The following CDC42 variants were observed in gnomAD, a reference collection of about 807,000 sequenced individuals.
CDC42 encodes cell division cycle 42, also known as cell division control protein 42 homolog.
In CDC42, 1 loss-of-function variant was observed where a neutral mutation model predicts 20.8. That is an observed-to-expected ratio of 0.05 (90% confidence interval 0.02 to 0.23). The LOEUF is 0.23. Among genes scored for constraint, CDC42 ranks in the 10% least tolerant of loss-of-function variants. The probability of loss-of-function intolerance (pLI) is 1.00; values close to 1 mark genes in which losing one functional copy is unlikely to be tolerated. For missense variants in CDC42, 49 were observed against 227.9 expected (o/e 0.21, Z 5.05); for synonymous variants, 72 against 84.8 (o/e 0.85, Z 0.83).
rs1382510459 is a variant in CDC42 at position 22,092,446 on chromosome 1, C to G, written c.*929C>G. 6.6e-6 allele frequency: 1 copy of G among 152,460 alleles called. No individual in the cohort carries two copies. Among genetic ancestry groups the G allele is most frequent in the African/African-American group, 2.4e-5 (1 of 41,368 alleles). The allele number at this position is 152,460 out of a possible 1,614,324, so 9.4% of individuals were successfully genotyped here. Reference sequence around the variant, plus strand: ...GTCTTATATGCTTAGCATAGATTTGCAGCTCAGTAGTATATGGTGTTCCTA... The same window carrying G: ...GTCTTATATGCTTAGCATAGATTTGGAGCTCAGTAGTATATGGTGTTCCTA... On this transcript the variant is annotated 3_prime_UTR_variant, in exon 6 of 6. Transcript: ENST00000656825.
intron 1 of CDC42, among the ~76,000 whole-genome samples, chr1:22,071,804 A>G (rs1479526322): frequency 6.6e-6 from 1 of 152,210 alleles, no homozygotes; most frequent in Non-Finnish European, 1.5e-5. Context: ...CGTATTTCAC[A>G]TGAAGGCAAC....
At chr1:22,056,526 A>G (rs1645306433) in intron 1 of CDC42, among the ~76,000 whole-genome samples, 1 of 152,178 alleles carries the variant, frequency 6.6e-6, no homozygotes, top group Non-Finnish European at 1.5e-5. Context: ...ATTCCTGGTC[A>G]TGTTATGCTT....
chr1:22,090,070 TCC>T (rs898990111), intron 5 of CDC42: 2 of 1,608,704 alleles, frequency 1.2e-6, no homozygotes, highest in Non-Finnish European at 1.7e-6. Flanking sequence ...CTGCTTCCTG[TCC>T]CACTACTGTA....
At chr1:22,070,781 A>G (rs1015956609) in intron 1 of CDC42, among the ~76,000 whole-genome samples, 1 of 151,262 alleles carries the variant, frequency 6.6e-6, no homozygotes, top group Admixed American at 6.6e-5. Flanking sequence ...CCTCTTTTTA[A>G]AAGTTGTAAG....
intron 5 of CDC42, among the ~76,000 whole-genome samples, chr1:22,088,214 CAT>C (rs1186679702): frequency 6.6e-6 from 1 of 152,180 alleles, no homozygotes; most frequent in Non-Finnish European, 1.5e-5. Context: ...AAGGGAAAGT[CAT>C]GTGTGAAACA....
intron 1 of CDC42, among the ~76,000 whole-genome samples, chr1:22,071,049 T>TTC (rs1553194534): frequency 7.1e-6 from 1 of 140,186 alleles, no homozygotes; most frequent in Non-Finnish European, 1.5e-5. Context: ...TTTCTTTCTT[T>TTC]TTTTTTTTTT....
At chr1:22,084,543 G>A (rs1435359301) in intron 3 of CDC42, among the ~76,000 whole-genome samples, 10 of 151,702 alleles carry the variant, frequency 6.6e-5, no homozygotes, top group Non-Finnish European at 1.5e-4. Flanking sequence ...AGTTTTAGGA[G>A]TTCTTTGTAG....
intron 1 of CDC42, 77 bp from the exon 2 acceptor site, chr1:22,078,352 C>T: frequency 1.6e-6 from 1 of 625,878 alleles, no homozygotes; most frequent in Non-Finnish European, 2.7e-6. Context: ...GCTCTGAGTG[C>T]CTGAACCTGT....
intron 5 of CDC42, 74 bp downstream of exon 5, chr1:22,086,940 T>TA: frequency 8.0e-7 from 1 of 1,246,060 alleles, no homozygotes; most frequent in Non-Finnish European, 1.2e-6. Context: ...CAGGAGTTAT[T>TA]TCTAACAGTG....
chr1:22,054,577 A>G (rs369031809), intron 1 of CDC42, among the ~76,000 whole-genome samples: 3 of 152,092 alleles, frequency 2.0e-5, no homozygotes, highest in Admixed American at 6.6e-5. Flanking sequence ...TGTGTAATGC[A>G]TTGTTGTAAA....
intron 5 of CDC42, among the ~76,000 whole-genome samples, chr1:22,087,226 A>G (rs929539452): frequency 1.3e-5 from 2 of 151,638 alleles, no homozygotes; most frequent in African/African-American, 4.8e-5. Context: ...AATATGTCTG[A>G]TCTTTTCTTG....
At chr1:22,065,776 C>T (rs16826371) in intron 1 of CDC42, among the ~76,000 whole-genome samples, 16 of 80,156 alleles carry the variant, frequency 2.0e-4, no homozygotes, top group African/African-American at 5.4e-4. Flanking sequence ...TTTTGGGGGG[C>T]GGGGGAGGGG....
Position 22,052,758 on chromosome 1 carries a change from G to C in CDC42, c.-51+16G>C, listed in dbSNP as rs1291699109. ...AGAAGCTGAGGTGAGTGCGGGGCCCGAGGTTCCCCGCGGGAGCTGCCACCC... is the reference window on the plus strand; with the variant it reads ...AGAAGCTGAGGTGAGTGCGGGGCCCCAGGTTCCCCGCGGGAGCTGCCACCC... On this transcript the variant is annotated intron_variant, in intron 1 of 5. Transcript: ENST00000656825. 2 of 152,818 alleles carry C rather than the reference G, an allele frequency of 1.3e-5. No individual in the cohort carries two copies. Among genetic ancestry groups the C allele is most frequent in the Admixed American group, 6.5e-5 (1 of 15,286 alleles). The allele number at this position is 152,818 out of a possible 1,614,324, so 9.5% of individuals were successfully genotyped here.
intron 1 of CDC42, among the ~76,000 whole-genome samples, chr1:22,064,633 T>G (rs2152827635): frequency 6.6e-6 from 1 of 152,176 alleles, no homozygotes; most frequent in East Asian, 1.9e-4. Context: ...TATAATTGAC[T>G]TTCACTTTGA....
chr1:22,053,226 C>T (rs1645256451), intron 1 of CDC42: 1 of 143,992 alleles, frequency 6.9e-6, no homozygotes, highest in Non-Finnish European at 1.5e-5. Context: ...GGACTTCCTG[C>T]TTCGCCGGGC....
At chr1:22,057,358 C>T (rs777556408) in intron 1 of CDC42, among the ~76,000 whole-genome samples, 1 of 152,192 alleles carries the variant, frequency 6.6e-6, no homozygotes, top group Non-Finnish European at 1.5e-5. Flanking sequence ...ATCCTTCTCC[C>T]GGACTAATCT....
At chr1:22,090,331 C>G in intron 5 of CDC42, 1 of 1,079,114 alleles carries the variant, frequency 9.3e-7, no homozygotes, top group Non-Finnish European at 1.1e-6. Flanking sequence ...TAAGAATGTC[C>G]TCTTGGAGAA....
rs1278591223 is a variant in CDC42 at position 22,083,284 on chromosome 1, G to C, written c.178+1490G>C. Reference sequence around the variant, plus strand: ...CATTTTCTGGCGAGTACTTTTGAAAGCTTTTTTGATGCGTAGTGCAATAAA... The same window carrying C: ...CATTTTCTGGCGAGTACTTTTGAAACCTTTTTTGATGCGTAGTGCAATAAA... On this transcript the variant is annotated intron_variant, in intron 3 of 5. Transcript: ENST00000656825. 3.9e-5 allele frequency among the ~76,000 whole-genome samples: 6 copies of C among 152,126 alleles called. No homozygotes were observed. In the East Asian group the frequency reaches 7.7e-4, roughly 20 times the overall value.
At chr1:22,066,693 A>G (rs371618110) in intron 1 of CDC42, among the ~76,000 whole-genome samples, 1 of 56,338 alleles carries the variant, frequency 1.8e-5, no homozygotes, top group Non-Finnish European at 3.9e-5. Context: ...TTTGGAGGAG[A>G]TGATGATTCG....
Sources: allele counts gnomAD v4.1 joint callset (sites outside exome capture counted in the v4.1 genomes callset), GRCh38; gene constraint gnomAD v4.1.1; transcripts MANE v1.5; gene names NCBI Gene and HGNC (gene_info 2026-07-23, HGNC 2026-07-21).